Variants in AGTR1 observed in about 807,000 individuals in gnomAD.
AGTR1 encodes the protein type-1 angiotensin II receptor.
A neutral mutation model predicts 19.4 loss-of-function variants in AGTR1; 16 were observed. That is an observed-to-expected ratio of 0.82 (90% CI 0.56 to 1.25). The LOEUF is 1.25. Ranked by LOEUF, AGTR1 falls within the 50% of genes most tolerant of loss-of-function variation. The pLI is 0.00. For synonymous variants in AGTR1, 153 were observed against 154.9 expected, an observed-to-expected ratio of 0.99 and a Z score of 0.09; for missense variants, 373 against 431.9, an observed-to-expected ratio of 0.86 and a Z score of 1.21.
chr3:148,698,784 T>C (rs1337793742), intron 1 of AGTR1, among the ~76,000 whole-genome samples: 1 of 152,188 alleles, frequency 6.6e-6, no homozygotes, highest in East Asian at 1.9e-4. Flanking sequence ...CCTTAGCCAA[T>C]GCATGTGTGT....
At chr3:148,735,648 G>C (rs975393253) in intron 2 of AGTR1, among the ~76,000 whole-genome samples, 1 of 152,160 alleles carries the variant, frequency 6.6e-6, no homozygotes, top group Admixed American at 6.5e-5. Context: ...ATAAGAACAA[G>C]TAGATCTGAA....
chr3:148,728,631 G>T (rs1427319370), intron 2 of AGTR1, among the ~76,000 whole-genome samples: 1 of 152,188 alleles, frequency 6.6e-6, no homozygotes, highest in African/African-American at 2.4e-5. Context: ...GAATTTCTGT[G>T]TATAGAGAAG....
chr3:148,723,093 A>T (rs1713737738), intron 2 of AGTR1, among the ~76,000 whole-genome samples: 1 of 152,216 alleles, frequency 6.6e-6, no homozygotes, highest in African/African-American at 2.4e-5. Flanking sequence ...ATTAATCAGA[A>T]ATACTCCATA....
At chr3:148,707,678 A>G (rs2107930610) in intron 1 of AGTR1, among the ~76,000 whole-genome samples, 1 of 152,200 alleles carries the variant, frequency 6.6e-6, no homozygotes, top group South Asian at 2.1e-4. Context: ...TTACCCTAAA[A>G]CGTTCTTTTT....
At chr3:148,706,671 A>T (rs1712685767) in intron 1 of AGTR1, among the ~76,000 whole-genome samples, 4 of 152,028 alleles carry the variant, frequency 2.6e-5, no homozygotes, top group Admixed American at 2.6e-4. Flanking sequence ...TAAACAACCT[A>T]ATTGAAACAT....
At chr3:148,738,847 A>C (rs1217325810) in intron 2 of AGTR1, among the ~76,000 whole-genome samples, 1 of 152,212 alleles carries the variant, frequency 6.6e-6, no homozygotes, top group East Asian at 1.9e-4. Flanking sequence ...TAGTCTCGAT[A>C]CACTATATTC....
At chr3:148,735,715 T>A (rs1714536054) in intron 2 of AGTR1, among the ~76,000 whole-genome samples, 1 of 152,194 alleles carries the variant, frequency 6.6e-6, no homozygotes, top group Admixed American at 6.5e-5. Context: ...GGTCAATGAT[T>A]TCACAAGTGA....
intron 1 of AGTR1, among the ~76,000 whole-genome samples, chr3:148,705,440 T>TCTTC (rs33986418): frequency 1.9e-5 from 1 of 52,246 alleles, no homozygotes; most frequent in Non-Finnish European, 3.3e-5. Flanking sequence ...AATCTAACTC[T>TCTTC]CCCATTCAAA....
chr3:148,727,831 G>A (rs2675511), intron 2 of AGTR1, among the ~76,000 whole-genome samples: 97,276 of 152,080 alleles, frequency 0.64, 34,121 homozygotes, highest in East Asian at 0.86. Context: ...TTTCATAAAA[G>A]GTGAGAGATA....
intron 1 of AGTR1, among the ~76,000 whole-genome samples, chr3:148,705,589 A>G (rs1712622455): frequency 6.6e-6 from 1 of 152,138 alleles, no homozygotes; most frequent in Non-Finnish European, 1.5e-5. Flanking sequence ...CTGGTCTATT[A>G]TCTACTGAGT....
intron 2 of AGTR1, among the ~76,000 whole-genome samples, chr3:148,709,502 T>G (rs1344945311): frequency 6.6e-6 from 1 of 152,164 alleles, no homozygotes; most frequent in Non-Finnish European, 1.5e-5. Context: ...TCTGTGAAAT[T>G]TTAAACTTTT....
At chr3:148,730,245 A>T (rs1211266715) in intron 2 of AGTR1, 1 of 398,330 alleles carries the variant, frequency 2.5e-6, no homozygotes, top group African/African-American at 2.1e-5. Flanking sequence ...GAGGTAAATC[A>T]TGTGCTTAAT....
intron 1 of AGTR1, among the ~76,000 whole-genome samples, chr3:148,698,913 T>A (rs1024139875): frequency 6.6e-6 from 1 of 151,708 alleles, no homozygotes; most frequent in African/African-American, 2.4e-5. Flanking sequence ...CAGGTAAACA[T>A]CTCCATAGTG....
chr3:148,742,532 G>A lies in AGTR1; in HGVS notation c.*417G>A, dbSNP rs1714976493. 1 of 321,884 alleles carries A rather than the reference G, an allele frequency of 3.1e-6. No individual in the cohort carries two copies. Among genetic ancestry groups the A allele is most frequent in the East Asian group, 8.9e-5 (1 of 11,190 alleles). The allele number at this position is 321,884 out of a possible 1,614,324, so 19.9% of individuals were successfully genotyped here. ...AGATTGTTCTGTCCAGTTTCCAAAG[G>A]GCAGTAAAGTTTTCGTGCCGGTTTT... On this transcript the variant is annotated 3_prime_UTR_variant, in exon 3 of 3. Transcript: ENST00000349243.
At chr3:148,736,034 T>C (rs1714553698) in intron 2 of AGTR1, among the ~76,000 whole-genome samples, 1 of 152,228 alleles carries the variant, frequency 6.6e-6, no homozygotes, top group Non-Finnish European at 1.5e-5. Context: ...TTTCTTTAGA[T>C]TGCAAACTAG....
chr3:148,704,059 C>T (rs1178505404), intron 1 of AGTR1, among the ~76,000 whole-genome samples: 2 of 152,018 alleles, frequency 1.3e-5, no homozygotes, highest in Non-Finnish European at 2.9e-5. Flanking sequence ...AGATGACATA[C>T]TTTTAAAAAT....
intron 1 of AGTR1, among the ~76,000 whole-genome samples, chr3:148,702,301 T>C (rs1712395639): frequency 1.3e-5 from 2 of 152,112 alleles, no homozygotes; most frequent in East Asian, 1.9e-4. Flanking sequence ...TAAAGAGAAT[T>C]TGTTGTTGCT....
chr3:148,702,777 CACTT>C (rs768009566), intron 1 of AGTR1, among the ~76,000 whole-genome samples: 7 of 152,194 alleles, frequency 4.6e-5, no homozygotes, highest in Non-Finnish European at 1.0e-4. Flanking sequence ...TCCACGGAGT[CACTT>C]GCTTGCCTGT....
rs548345422 is a variant in AGTR1, at chr3:148,742,053, C to A, written c.1018C>A (p.Arg340Ser). 6.2e-7 allele frequency: 1 copy of A among 1,613,878 alleles called. No individual in the cohort carries two copies. The highest frequency in any genetic ancestry group is 2.2e-5 in the East Asian group (1 of 44,866). ...LSTKMSTLSY[R>S]PSDNVSSSTK... ...AACAAAAATGAGCACGCTTTCCTAC[C>A]GCCCCTCAGATAATGTAAGCTCATC... The change falls in exon 3 of 3, where the codon CGC (arginine) becomes AGC (serine). Residue 340 changes from arginine to serine, a missense_variant. By Grantham distance (110) the Arg-to-Ser change is moderately radical. Transcript: ENST00000349243.
Sources: gnomAD v4.1 joint callset for allele counts (sites outside exome capture counted in the v4.1 genomes callset) on GRCh38, gnomAD v4.1.1 for gene constraint, MANE v1.5 for transcripts, NCBI Gene and HGNC (gene_info 2026-07-23, HGNC 2026-07-21) for gene names.